The following ITGB5 variants were observed in gnomAD, a reference collection of about 807,000 sequenced individuals.
ITGB5 encodes the protein integrin beta-5.
A neutral mutation model predicts 84.8 loss-of-function variants in ITGB5; 38 were observed. The observed-to-expected ratio is 0.45, with a 90% CI of 0.35 to 0.59. The LOEUF is 0.59. Among genes scored for constraint, ITGB5 ranks in the 20% least tolerant of loss-of-function variants. The probability of loss-of-function intolerance (pLI) is 0.01; values close to 1 mark genes in which losing one functional copy is unlikely to be tolerated. For synonymous variants in ITGB5, 393 were observed against 414.4 expected (o/e 0.95, Z 0.63); for missense variants, 905 against 1,034.5 (o/e 0.87, Z 1.72).
intron 8 of ITGB5, among the ~76,000 whole-genome samples, chr3:124,809,981 C>T (rs747088744): frequency 9.9e-5 from 15 of 152,136 alleles, no homozygotes; most frequent in Non-Finnish European, 2.1e-4. Context: ...CAACCTCAGA[C>T]CTAGCATTCA....
intron 10 of ITGB5, among the ~76,000 whole-genome samples, chr3:124,794,463 GAGT>G (rs1247262573): frequency 5.9e-5 from 9 of 152,130 alleles, no homozygotes; most frequent in African/African-American, 2.2e-4. Context: ...ACCAGCTCAA[GAGT>G]ATACTGTGAC....
chr3:124,886,551 C>A (rs1298985121), intron 1 of ITGB5, among the ~76,000 whole-genome samples: 1 of 152,108 alleles, frequency 6.6e-6, no homozygotes, highest in East Asian at 1.9e-4. Context: ...CAGCAGCCCG[C>A]CCGCTCCCGG....
intron 10 of ITGB5, among the ~76,000 whole-genome samples, chr3:124,778,934 G>A (rs940025579): frequency 1.3e-5 from 2 of 152,142 alleles, no homozygotes; most frequent in African/African-American, 4.8e-5. Flanking sequence ...AGCTGAGGGT[G>A]TGGGCTGGAG....
intron 10 of ITGB5, among the ~76,000 whole-genome samples, chr3:124,777,060 G>A (rs1012389934): frequency 6.6e-6 from 1 of 152,200 alleles, no homozygotes; most frequent in Non-Finnish European, 1.5e-5. Flanking sequence ...AGGCCCGAGA[G>A]TTCCACAGCC....
intron 5 of ITGB5, among the ~76,000 whole-genome samples, chr3:124,834,902 C>T (rs2064911245): frequency 6.6e-6 from 1 of 152,158 alleles, no homozygotes. Context: ...AGAGCAAATT[C>T]CTGTCTCCTT....
At chr3:124,793,391 C>T (rs80202453) in intron 10 of ITGB5, among the ~76,000 whole-genome samples, 3,226 of 152,306 alleles carry the variant, frequency 0.021, 132 homozygotes, top group African/African-American at 0.073. Context: ...TGCCAGGCTG[C>T]TTAGAGCTTT....
chr3:124,840,967 C>T (rs560235322), intron 5 of ITGB5, among the ~76,000 whole-genome samples: 4 of 152,164 alleles, frequency 2.6e-5, no homozygotes, highest in Non-Finnish European at 5.9e-5. Flanking sequence ...CCCGGCCTCA[C>T]ACAATTCTTT....
At chr3:124,815,863 C>T (rs970288000) in intron 8 of ITGB5, among the ~76,000 whole-genome samples, 2 of 152,140 alleles carry the variant, frequency 1.3e-5, no homozygotes, top group Admixed American at 6.6e-5. Flanking sequence ...AATCACTCAC[C>T]GTGGAATCTG....
At chr3:124,813,733 CT>C (rs2064541555) in intron 8 of ITGB5, among the ~76,000 whole-genome samples, 1 of 152,190 alleles carries the variant, frequency 6.6e-6, no homozygotes. Flanking sequence ...TGTCCCACAG[CT>C]TTCCCAAGGC....
rs2064396675 is a variant in ITGB5, at chr3:124,806,043, CAA to C, written c.1263+2977_1263+2978del. Among the ~76,000 whole-genome samples the C allele has an allele frequency of 2.6e-5, 4 of 152,306 alleles. No individual in the cohort carries two copies. The South Asian group carries it at 6.2e-4, about 24-fold the overall frequency. The stretch of plus-strand genomic sequence containing the variant: ...CCAAGCCAATGATAAACACAACAGA[CAA>C]GAGACATTGGAACCTCAGTCAAGTC... On this transcript the variant is annotated intron_variant, in intron 9 of 14. Coordinates refer to ENST00000296181, the MANE Select transcript of ITGB5 (RefSeq NM_002213.5).
chr3:124,882,464 A>G (rs1238933270), intron 1 of ITGB5, among the ~76,000 whole-genome samples: 3 of 152,210 alleles, frequency 2.0e-5, no homozygotes, highest in African/African-American at 4.8e-5. Flanking sequence ...GGTCATGCAG[A>G]TATCTTGGAG....
At chr3:124,875,476 C>CAAAAAA in intron 1 of ITGB5, among the ~76,000 whole-genome samples, 1 of 104,670 alleles carries the variant, frequency 9.6e-6, no homozygotes, top group Non-Finnish European at 1.9e-5. Flanking sequence ...GACTCTGTCT[C>CAAAAAA]AAAAAAAAAA....
intron 10 of ITGB5, among the ~76,000 whole-genome samples, chr3:124,789,366 A>G (rs115151891): frequency 0.025 from 3,758 of 150,988 alleles, 192 homozygotes; most frequent in African/African-American, 0.086. Context: ...AACTGCCTTT[A>G]ACTAGACAGG....
chr3:124,763,319 AG>A lies in ITGB5; in HGVS notation c.*303del, dbSNP rs2063719254. 1 of 243,328 alleles carries A rather than the reference AG, an allele frequency of 4.1e-6. No individual in the cohort carries two copies. Among genetic ancestry groups the A allele is most frequent in the African/African-American group, 2.2e-5 (1 of 44,836 alleles). 15.1% of individuals were successfully genotyped at this position (243,328 alleles called of 1,614,324 possible). A position where few individuals can be genotyped will look rare whatever the true frequency, so the allele number is the denominator to read the frequency against. On this transcript the variant is annotated 3_prime_UTR_variant, in exon 15 of 15. Coordinates refer to ENST00000296181, the MANE Select transcript of ITGB5 (RefSeq NM_002213.5). ...CATTCCTGGAAGGGAGAGACAGCCC[AG>A]CATCTCAGTATTTCATTGGGACAAC...
chr3:124,817,705 A>G lies in ITGB5; in HGVS notation c.1044T>C (p.Phe348=). 1 of 1,578,338 alleles carries G rather than the reference A, an allele frequency of 6.3e-7. No homozygotes were observed. Among genetic ancestry groups the G allele is most frequent in the African/African-American group, 1.4e-5 (1 of 73,188 alleles). The part of the protein sequence containing the change: ...TKNHYMLYKN[F]TALIPGTTVE... ...CCGTTGTTCCAGGTATCAGGGCTGT[A>G]AAATTCTTGGGAAAAAAAGTAAAGA... is the stretch of plus-strand genomic sequence containing the variant. Residue 348 remains phenylalanine (F), a synonymous_variant, in exon 8 of 15, where the codon TTT becomes TTC. Coordinates refer to ENST00000296181, the MANE Select transcript of ITGB5 (RefSeq NM_002213.5).
chr3:124,824,409 G>A (rs991664168), intron 5 of ITGB5, among the ~76,000 whole-genome samples: 16 of 152,144 alleles, frequency 1.1e-4, no homozygotes, highest in African/African-American at 3.4e-4. Flanking sequence ...TGACCTAAAC[G>A]TAGACCTAAA....
At chr3:124,887,577 G>C (rs1559989848), upstream of ITGB5, 1 of 318,228 alleles carries the variant, frequency 3.1e-6, no homozygotes, top group South Asian at 2.3e-5. Flanking sequence ...TACGGGCCCA[G>C]GTGGAAGTCG....
Position 124,796,370 on chromosome 3 carries a change from C to A in ITGB5, c.1693+18G>T. The A allele has an allele frequency of 1.3e-6, 2 of 1,586,048 alleles. No homozygotes were observed. Among genetic ancestry groups the A allele is most frequent in the Non-Finnish European group, 1.7e-6 (2 of 1,162,572 alleles). On this transcript the variant is annotated intron_variant, in intron 10 of 14. Transcript: ENST00000296181. Reference sequence around the variant, plus strand: ...CTTGGCCTGGCTCAGAGCTAAAGTGCTTGCTGGGGACACTTACCTGAGCAG... The same window carrying A: ...CTTGGCCTGGCTCAGAGCTAAAGTGATTGCTGGGGACACTTACCTGAGCAG...
At chr3:124,822,535 A>G (rs2107562525) in intron 5 of ITGB5, among the ~76,000 whole-genome samples, 1 of 152,304 alleles carries the variant, frequency 6.6e-6, no homozygotes, top group East Asian at 1.9e-4. Context: ...GAGCTATGAT[A>G]TTTTCTCACT....
Sources: gnomAD v4.1 joint callset for allele counts (sites outside exome capture counted in the v4.1 genomes callset) on GRCh38, gnomAD v4.1.1 for gene constraint, MANE v1.5 for transcripts, NCBI Gene and HGNC (gene_info 2026-07-23, HGNC 2026-07-21) for gene names.